Variants in PCDHA5 observed in about 807,000 individuals in gnomAD.
PCDHA5 encodes protocadherin alpha 5, also known as protocadherin alpha-5.
In PCDHA5, 43 loss-of-function variants were observed where a neutral mutation model predicts 61.6. The observed-to-expected ratio is 0.70, with a 90% CI of 0.55 to 0.90. The LOEUF is 0.90. Ranked by LOEUF, PCDHA5 falls within the 40% of genes least tolerant of loss-of-function variation. The probability of loss-of-function intolerance (pLI) is 0.00; values close to 1 mark genes in which losing one functional copy is unlikely to be tolerated. For synonymous variants in PCDHA5, 627 were observed against 543.9 expected (o/e 1.15, Z -2.13); for missense variants, 1,298 against 1,222.7 (o/e 1.06, Z -0.92).
chr5:140,927,702 C>A lies in PCDHA5; in HGVS notation c.2353-51247C>A, dbSNP rs533775539. ...AAGGGTCCAATGGGGAAGTCCAGTACTCCCTAAGCAACAGCACGCAAGCAG... is the reference window on the plus strand; with the variant it reads ...AAGGGTCCAATGGGGAAGTCCAGTAATCCCTAAGCAACAGCACGCAAGCAG... On this transcript the variant is annotated intron_variant, in intron 1 of 3. Coordinates refer to ENST00000529859, the MANE Select transcript of PCDHA5 (RefSeq NM_018908.3). 6.8e-6 allele frequency: 11 copies of A among 1,614,092 alleles called. 1 individual carries two copies. The South Asian group carries it at 1.2e-4, about 18-fold the overall frequency.
intron 1 of PCDHA5, chr5:140,853,042 C>T (rs1417504758): frequency 3.7e-6 from 1 of 269,692 alleles, no homozygotes; most frequent in African/African-American, 2.3e-5. Flanking sequence ...CCATGCCCGC[C>T]TAATTTTTTT....
chr5:140,869,348 G>A (rs782687742), intron 1 of PCDHA5: 1 of 1,614,066 alleles, frequency 6.2e-7, no homozygotes, highest in South Asian at 1.1e-5. Context: ...CTGCAGAATG[G>A]CATTTTGTTT....
intron 1 of PCDHA5, among the ~76,000 whole-genome samples, chr5:140,905,211 G>A (rs1554191947): frequency 6.6e-6 from 1 of 152,130 alleles, no homozygotes; most frequent in Non-Finnish European, 1.5e-5. Flanking sequence ...GTTGATTTTT[G>A]TGTAAGGTGA....
In PCDHA5 at chr5:140,855,370, A is replaced by C. The variant is rs1007316942; in HGVS notation, c.2352+31243A>C. Among the ~76,000 whole-genome samples the C allele has an allele frequency of 2.7e-5, 4 of 150,058 alleles. 1 individual carries two copies. Among genetic ancestry groups the C allele is most frequent in the Non-Finnish European group, 6.0e-5 (4 of 67,120 alleles). On this transcript the variant is annotated intron_variant, in intron 1 of 3. Transcript: ENST00000529859. ...AGTCATGTGGCTAGTGAGTAGGATA[A>C]TAGGAATCTAAATGGAGAAATGTCT...
intron 1 of PCDHA5, among the ~76,000 whole-genome samples, chr5:140,890,099 A>G (rs1301934861): frequency 2.0e-5 from 3 of 152,086 alleles, no homozygotes; most frequent in African/African-American, 7.2e-5. Context: ...TTTATTCCCA[A>G]CTCTGGATTC....
chr5:140,883,696 G>T (rs142212706), intron 1 of PCDHA5: 2 of 1,613,818 alleles, frequency 1.2e-6, no homozygotes, highest in Non-Finnish European at 1.7e-6. Flanking sequence ...ACATCTTCAC[G>T]GTGTCTGCTC....
intron 1 of PCDHA5, chr5:140,828,544 G>C: frequency 6.2e-7 from 1 of 1,614,214 alleles, no homozygotes; most frequent in Non-Finnish European, 8.5e-7. Flanking sequence ...CAGATTCTGT[G>C]TTTCCACTGG....
rs1278190743 is a variant in PCDHA5, at chr5:140,891,784, G to C, written c.2352+67657G>C. 2.0e-5 allele frequency among the ~76,000 whole-genome samples: 3 copies of C among 152,152 alleles called. No homozygotes were observed. In the East Asian group the frequency reaches 5.8e-4, roughly 29 times the overall value. On this transcript the variant is annotated intron_variant, in intron 1 of 3. Coordinates refer to ENST00000529859, the MANE Select transcript of PCDHA5 (RefSeq NM_018908.3). ...GGTGGGGAATTTCAGGAAATGTTTA[G>C]ATTATGAGGGATCTGCCCTCATGAA...
At chr5:140,900,512 G>T (rs1191935182) in intron 1 of PCDHA5, among the ~76,000 whole-genome samples, 4 of 152,300 alleles carry the variant, frequency 2.6e-5, no homozygotes, top group Middle Eastern at 3.4e-3. Context: ...CCCAGCCTCA[G>T]GTGATCTGCC....
intron 1 of PCDHA5, chr5:140,849,776 G>T: frequency 6.3e-7 from 1 of 1,598,464 alleles, no homozygotes; most frequent in Non-Finnish European, 8.6e-7. Flanking sequence ...TGGTTACCGC[G>T]CGGGACGGGG....
chr5:140,979,002 G>A lies in PCDHA5; in HGVS notation c.2406G>A (p.Met802Ile). 6.2e-7 allele frequency: 1 copy of A among 1,614,130 alleles called. No homozygotes were observed. The highest frequency in any genetic ancestry group is 8.5e-7 in the Non-Finnish European group (1 of 1,180,014). ...WRYSASLRAG[M>I]HSSVHLEEAG... ...ACTCTGCCTCCCTGAGAGCAGGCAT[G>A]CACAGGTATGTATTTCCCTCCTCAT... The change falls in exon 2 of 4, where the codon ATG becomes ATA. Residue 802 changes from methionine (M) to isoleucine (I), a missense_variant. Transcript: ENST00000529859.
chr5:140,884,872 T>C (rs1427684688), intron 1 of PCDHA5, among the ~76,000 whole-genome samples: 1 of 152,216 alleles, frequency 6.6e-6, no homozygotes, highest in African/African-American at 2.4e-5. Context: ...CATAATGAAA[T>C]GTGCAAAACA....
intron 1 of PCDHA5, among the ~76,000 whole-genome samples, chr5:140,840,629 G>C (rs190376919): frequency 6.6e-6 from 1 of 152,022 alleles, no homozygotes; most frequent in South Asian, 2.1e-4. Flanking sequence ...ACAAGCTATA[G>C]AGATATAGAG....
At chr5:140,859,820 A>T (rs571266771) in intron 1 of PCDHA5, 10 of 152,434 alleles carry the variant, frequency 6.6e-5, no homozygotes, top group African/African-American at 2.2e-4. Context: ...TGCAGAGTTT[A>T]GAAGTGTATT....
intron 1 of PCDHA5, chr5:140,876,225 G>C: frequency 1.2e-6 from 2 of 1,613,982 alleles, no homozygotes; most frequent in Non-Finnish European, 1.7e-6. Context: ...AAGTAGTGTT[G>C]TCTGAAAATG....
chr5:140,870,915 G>A (rs1554164824), intron 1 of PCDHA5: 4 of 1,613,830 alleles, frequency 2.5e-6, no homozygotes, highest in Non-Finnish European at 3.4e-6. Flanking sequence ...GCTACAACGC[G>A]TGGCTTTCAT....
Position 140,823,149 on chromosome 5 carries a change from G to A in PCDHA5, c.1374G>A (p.Gln458=). 2 of 1,613,920 alleles carry A rather than the reference G, an allele frequency of 1.2e-6. No homozygotes were observed. The highest frequency in any genetic ancestry group is 1.7e-6 in the Non-Finnish European group (2 of 1,179,928). ...ACGCTCCGGCGTTCGCGCAGCCCCAGTATACCGTGTTCGTGAAGGAGAACA... is the reference window on the plus strand; with the variant it reads ...ACGCTCCGGCGTTCGCGCAGCCCCAATATACCGTGTTCGTGAAGGAGAACA... ...NDNAPAFAQP[Q]YTVFVKENNP... The change falls in exon 1 of 4, where the codon CAG becomes CAA. Residue 458 remains glutamine (Q), a synonymous_variant. Transcript: ENST00000529859.
chr5:140,900,840 T>C (rs6874218), intron 1 of PCDHA5, among the ~76,000 whole-genome samples: 1 of 151,950 alleles, frequency 6.6e-6, no homozygotes, highest in Admixed American at 6.6e-5. Flanking sequence ...ATGTACAAAG[T>C]TTCCCTTTTT....
chr5:140,992,017 CTGTGTGTGTGTG>C (rs10602499), intron 3 of PCDHA5, among the ~76,000 whole-genome samples: 3 of 145,512 alleles, frequency 2.1e-5, no homozygotes, highest in South Asian at 2.2e-4. Flanking sequence ...AGAGGTGGCT[CTGTGTGTGTGTG>C]TGTGTGTGTG....
Sources: allele counts gnomAD v4.1 joint callset (sites outside exome capture counted in the v4.1 genomes callset), GRCh38; gene constraint gnomAD v4.1.1; transcripts MANE v1.5; gene names NCBI Gene and HGNC (gene_info 2026-07-23, HGNC 2026-07-21).